Variants in FAM185A observed in about 807,000 individuals in gnomAD.
The protein encoded by FAM185A is family with sequence similarity 185 member A, also known as protein FAM185A.
In FAM185A, 21 loss-of-function variants were observed where a neutral mutation model predicts 45.7. The ratio of observed to expected loss-of-function variants is 0.46; its 90% CI spans 0.33 to 0.66. The LOEUF (loss-of-function observed/expected upper bound fraction) is 0.66. Among genes scored for constraint, FAM185A ranks in the 30% least tolerant of loss-of-function variants. The probability of loss-of-function intolerance (pLI) is 0.03; values close to 1 mark genes in which losing one functional copy is unlikely to be tolerated. For synonymous variants in FAM185A, 117 were observed against 194.0 expected, an observed-to-expected ratio of 0.60 and a Z score of 3.30; for missense variants, 305 against 485.4, an observed-to-expected ratio of 0.63 and a Z score of 3.49.
chr7:102,808,130 G>A (rs1313428476), intron 7 of FAM185A, among the ~76,000 whole-genome samples, 160 bp from the exon 8 acceptor site: 1 of 152,170 alleles, frequency 6.6e-6, no homozygotes, highest in East Asian at 1.9e-4. Flanking sequence ...ATGGAGGGGA[G>A]CAAGCCCAGA....
At chr7:102,773,428 T>C (rs1794872936) in intron 5 of FAM185A, among the ~76,000 whole-genome samples, 1 of 152,152 alleles carries the variant, frequency 6.6e-6, no homozygotes, top group Non-Finnish European at 1.5e-5. Flanking sequence ...AGCAGGCTAT[T>C]AGAAGGCTTA....
At chr7:102,789,834 T>C (rs1038954724) in intron 7 of FAM185A, among the ~76,000 whole-genome samples, 3 of 152,270 alleles carry the variant, frequency 2.0e-5, no homozygotes, top group African/African-American at 7.2e-5. Flanking sequence ...TTTTTTCTGT[T>C]TTTAAAATTG....
chr7:102,776,665 A>G (rs1181117343), intron 5 of FAM185A, among the ~76,000 whole-genome samples: 1 of 150,506 alleles, frequency 6.6e-6, no homozygotes, highest in Non-Finnish European at 1.5e-5. Flanking sequence ...CCCAGGAGTC[A>G]GAGACCAGCC....
chr7:102,825,823 T>G, the FAM185A span, among the ~76,000 whole-genome samples: 1 of 152,238 alleles, frequency 6.6e-6, no homozygotes, highest in Non-Finnish European at 1.5e-5. Context: ...CTAGCAGTAT[T>G]TTCTCTGATT....
At chr7:102,846,975 T>C in the FAM185A span, among the ~76,000 whole-genome samples, 92 of 152,128 alleles carry the variant, frequency 6.0e-4, no homozygotes, top group Non-Finnish European at 9.1e-4. Flanking sequence ...TTTTGAATGG[T>C]TGAAAAAAAA....
At chr7:102,826,777 A>C in the FAM185A span, among the ~76,000 whole-genome samples, 1 of 122,754 alleles carries the variant, frequency 8.1e-6, no homozygotes, top group East Asian at 2.5e-4. Flanking sequence ...ATATATGTAT[A>C]TATATCTCTA....
In FAM185A at chr7:102,755,604, G is replaced by A. The variant is rs1048937975; in HGVS notation, c.562-2250G>A. On this transcript the variant is annotated intron_variant, in intron 2 of 7. Coordinates refer to ENST00000413034, the MANE Select transcript of FAM185A (RefSeq NM_001145268.2). ...GGATAACAAGAAAGCTCCGCTGGTG[G>A]TGACTGCACACGACATGGATCCCAT... is the stretch of plus-strand genomic sequence containing the variant. 2.0e-4 allele frequency: 126 copies of A among 624,790 alleles called. 1 individual carries two copies. The highest frequency in any genetic ancestry group is 3.3e-4 in the Admixed American group (15 of 44,850). 38.7% of individuals were successfully genotyped at this position (624,790 alleles called of 1,614,324 possible).
At chr7:102,752,274 T>C (rs577907836) in intron 2 of FAM185A, among the ~76,000 whole-genome samples, 1 of 53,616 alleles carries the variant, frequency 1.9e-5, no homozygotes, top group African/African-American at 6.0e-5. Context: ...GTAATTAAAA[T>C]TTTTTTTTTT....
the FAM185A span, among the ~76,000 whole-genome samples, chr7:102,828,318 C>G: frequency 6.6e-6 from 1 of 152,114 alleles, no homozygotes; most frequent in African/African-American, 2.4e-5. Context: ...AAGTTGGATT[C>G]CTAGGTATTT....
the FAM185A span, among the ~76,000 whole-genome samples, chr7:102,834,392 A>T: frequency 6.8e-6 from 1 of 147,084 alleles, no homozygotes; most frequent in African/African-American, 2.5e-5. Flanking sequence ...ATATATATAT[A>T]TATTATATGC....
chr7:102,782,008 G>A (rs1284568665), intron 6 of FAM185A, among the ~76,000 whole-genome samples: 1 of 152,222 alleles, frequency 6.6e-6, no homozygotes, highest in African/African-American at 2.4e-5. Flanking sequence ...TGTGACGAAT[G>A]CACAAGCCTC....
intron 5 of FAM185A, among the ~76,000 whole-genome samples, chr7:102,774,848 G>C (rs2537426): frequency 1.3e-5 from 2 of 152,162 alleles, no homozygotes; most frequent in Non-Finnish European, 2.9e-5. Context: ...CAGTTCTCCT[G>C]CCTCAGCCTC....
chr7:102,756,415 T>C (rs1793739660), intron 2 of FAM185A, among the ~76,000 whole-genome samples: 9 of 151,934 alleles, frequency 5.9e-5, no homozygotes, highest in Admixed American at 5.2e-4. Flanking sequence ...CCCAGCACTT[T>C]GGAAGGCTGA....
chr7:102,770,837 C>T (rs1228723377), intron 4 of FAM185A, among the ~76,000 whole-genome samples: 2 of 152,186 alleles, frequency 1.3e-5, no homozygotes, highest in South Asian at 4.1e-4. Flanking sequence ...CACCATTCAA[C>T]CCAGCAATTC....
chr7:102,835,633 G>A, the FAM185A span, among the ~76,000 whole-genome samples: 8 of 92,066 alleles, frequency 8.7e-5, no homozygotes, highest in Admixed American at 1.6e-4. Flanking sequence ...TTTTTGAGAC[G>A]GAGTCTCGCT....
At chr7:102,830,613 C>T in the FAM185A span, among the ~76,000 whole-genome samples, 1 of 152,154 alleles carries the variant, frequency 6.6e-6, no homozygotes, top group Non-Finnish European at 1.5e-5. Context: ...TCACGGTTTA[C>T]CACATCTTTT....
At chr7:102,789,704 C>T (rs144551911) in intron 7 of FAM185A, among the ~76,000 whole-genome samples, 6,973 of 152,162 alleles carry the variant, frequency 0.046, 19 homozygotes, top group East Asian at 0.12. Context: ...GAGACTCCCT[C>T]TCAGAAAAAA....
chr7:102,829,145 T>C, the FAM185A span, among the ~76,000 whole-genome samples: 92 of 152,236 alleles, frequency 6.0e-4, no homozygotes, highest in Non-Finnish European at 9.1e-4. Context: ...TACCCTCAGC[T>C]GCGGTGCAAG....
Position 102,808,451 on chromosome 7 carries a change from G to A in FAM185A, c.*49G>A, listed in dbSNP as rs1229646040. 2 of 1,118,826 alleles carry A rather than the reference G, an allele frequency of 1.8e-6. No individual in the cohort carries two copies. Among genetic ancestry groups the A allele is most frequent in the East Asian group, 2.6e-5 (1 of 38,828 alleles). 69.3% of individuals were successfully genotyped at this position (1,118,826 alleles called of 1,614,324 possible). A position where few individuals can be genotyped will look rare whatever the true frequency, so the allele number is the denominator to read the frequency against. On this transcript the variant is annotated 3_prime_UTR_variant, in exon 8 of 8. Transcript: ENST00000413034. ...ATTTTTAACAATGATTCGCAGATCTGTGACTACAAAAATGTAAATCCCACC... is the reference window on the plus strand; with the variant it reads ...ATTTTTAACAATGATTCGCAGATCTATGACTACAAAAATGTAAATCCCACC...
Sources: allele counts gnomAD v4.1 joint callset (sites outside exome capture counted in the v4.1 genomes callset), GRCh38; gene constraint gnomAD v4.1.1; transcripts MANE v1.5; gene names NCBI Gene and HGNC (gene_info 2026-07-23, HGNC 2026-07-21).